Variants in CHD5 observed in about 807,000 individuals in gnomAD.
CHD5 encodes the protein ATP-dependent chromatin remodeler CHD5.
Under a neutral mutation model 230.3 loss-of-function variants are expected in CHD5, and 69 were observed. That is an observed-to-expected ratio of 0.30 (90% CI 0.25 to 0.37). The LOEUF is 0.37. CHD5 is among the 10% of genes least tolerant of loss of function. CHD5 has a pLI of 1.00. For synonymous variants in CHD5, 1,064 were observed against 1,065.9 expected, an observed-to-expected ratio of 1.00 and a Z score of 0.03; for missense variants, 1,827 against 2,622.8, an observed-to-expected ratio of 0.70 and a Z score of 6.63.
intron 6 of CHD5, among the ~76,000 whole-genome samples, chr1:6,151,666 C>G (rs936704954): frequency 3.9e-5 from 6 of 152,222 alleles, no homozygotes; most frequent in African/African-American, 1.4e-4. Context: ...AGTATGTGCT[C>G]AACAAATATC....
chr1:6,161,943 C>A (rs1002409043), intron 2 of CHD5, among the ~76,000 whole-genome samples: 2 of 152,200 alleles, frequency 1.3e-5, no homozygotes, highest in Admixed American at 6.5e-5. Context: ...TCCTACGTGG[C>A]CTGCCAGTGA....
chr1:6,115,028 G>A (rs1248010032), intron 33 of CHD5, among the ~76,000 whole-genome samples: 4 of 148,132 alleles, frequency 2.7e-5, no homozygotes, highest in Admixed American at 6.6e-5. Flanking sequence ...AAAAAAAAGG[G>A]GGGGGCAGGC....
At chr1:6,132,910 C>CTCTCTCT (rs1666680549) in intron 20 of CHD5, among the ~76,000 whole-genome samples, 1 of 151,228 alleles carries the variant, frequency 6.6e-6, no homozygotes, top group East Asian at 1.9e-4. Flanking sequence ...CTCTCTCTCT[C>CTCTCTCT]AAGAGACAGG....
At chr1:6,119,996 G>A (rs1368974459) in intron 33 of CHD5, among the ~76,000 whole-genome samples, 1 of 151,834 alleles carries the variant, frequency 6.6e-6, no homozygotes, top group African/African-American at 2.4e-5. Context: ...GAGTAGCTGG[G>A]ACTACAGGTG....
At position 6,106,773 on chromosome 1, in the gene CHD5, T is replaced by G; in HGVS notation, c.5585A>C (p.Asn1862Thr). The G allele has an allele frequency of 6.2e-7, 1 of 1,609,958 alleles. No individual in the cohort carries two copies. The highest frequency in any genetic ancestry group is 8.5e-7 in the Non-Finnish European group (1 of 1,179,190). Residue 1862 changes from asparagine to threonine, a missense_variant, in exon 39 of 42, where the codon AAC becomes ACC. Asn to Thr is a moderately conservative substitution (Grantham distance 65, BLOSUM62 0). This residue lies in a region of CHD5 where 208 missense variants were observed against 302.0 expected (regional missense o/e 0.69). Coordinates refer to ENST00000262450, the MANE Select transcript of CHD5 (RefSeq NM_015557.3). ...GTCGCTCAGCAGCTCCTCCAGCTGG[T>G]TCAGGACTGTGGTGGGAGGCGGAGG... ...PANAVLHKVL[N>T]QLEELLSDMK...
At chr1:6,150,862 G>C (rs1048152094) in intron 7 of CHD5, among the ~76,000 whole-genome samples, 170 bp downstream of exon 7, 5 of 152,120 alleles carry the variant, frequency 3.3e-5, no homozygotes, top group Admixed American at 2.0e-4. Context: ...GGAAACACAG[G>C]GGCCCCACCT....
At position 6,167,527 on chromosome 1, in the gene CHD5, C is replaced by T. The variant is rs1667273908; in HGVS notation, c.207+623G>A. On this transcript the variant is annotated intron_variant, in intron 2 of 41. Coordinates refer to ENST00000262450, the MANE Select transcript of CHD5 (RefSeq NM_015557.3). The surrounding 1 kb of genome is among the most constrained non-coding windows in gnomAD (Gnocchi z 4.5). ...CAACCAGCGATCATCCCTCCCATGC[C>T]ACCAATTTCCAGGGCTGATCATGAG... 6.6e-6 allele frequency among the ~76,000 whole-genome samples: 1 copy of T among 152,184 alleles called. No individual in the cohort carries two copies. The highest frequency in any genetic ancestry group is 1.5e-5 in the Non-Finnish European group (1 of 68,036).
chr1:6,138,557 G>T (rs955131632), intron 15 of CHD5, among the ~76,000 whole-genome samples: 2 of 152,230 alleles, frequency 1.3e-5, no homozygotes, highest in South Asian at 2.1e-4. Flanking sequence ...ACATGCCTGT[G>T]AGAGAGCAGA....
In CHD5 at chr1:6,106,437, T is replaced by C. The variant is rs1350148741; in HGVS notation, c.5815A>G (p.Ile1939Val). 4 of 1,575,410 alleles carry C rather than the reference T, an allele frequency of 2.5e-6. No homozygotes were observed. Among genetic ancestry groups the C allele is most frequent in the Non-Finnish European group, 3.4e-6 (4 of 1,161,050 alleles). ...AGGGGCATCTGGTTGTAGTTGACAATCCCTCCCGGTCCAGGGCCCCGGAAG... is the reference window on the plus strand; with the variant it reads ...AGGGGCATCTGGTTGTAGTTGACAACCCCTCCCGGTCCAGGGCCCCGGAAG... ...PNFRGPGPGG[I>V]VNYNQMPLGP... Residue 1939 changes from isoleucine (I) to valine (V), a missense_variant, in exon 40 of 42, where the codon ATT becomes GTT. This residue lies in a region of CHD5 where 208 missense variants were observed against 302.0 expected (regional missense o/e 0.69). Coordinates refer to ENST00000262450, the MANE Select transcript of CHD5 (RefSeq NM_015557.3).
At position 6,142,452 on chromosome 1, in the gene CHD5, C is replaced by T. The variant is rs753965800; in HGVS notation, c.2197G>A (p.Val733Met). The T allele has an allele frequency of 1.9e-6, 3 of 1,613,660 alleles. No homozygotes were observed. Among genetic ancestry groups the T allele is most frequent in the Non-Finnish European group, 2.5e-6 (3 of 1,179,744 alleles). Residue 733 changes from valine to methionine, a missense_variant, in exon 14 of 42, where the codon GTG becomes ATG. Val to Met is a conservative substitution (Grantham distance 21). Transcript: ENST00000262450. The surrounding 1 kb of genome is among the most constrained non-coding windows in gnomAD (Gnocchi z 5.2). ...GAGTAAAGGAACACGATGGTCTGCA[C>T]CGTCTTGCCCAGACCCATCTCATCG... is the stretch of plus-strand genomic sequence containing the variant. ...LADEMGLGKTVQTIVFLYSLY... is the reference protein window; with the variant it reads ...LADEMGLGKTMQTIVFLYSLY...
At chr1:6,153,906 G>A (rs185865322) in intron 5 of CHD5, among the ~76,000 whole-genome samples, 88 of 152,154 alleles carry the variant, frequency 5.8e-4, no homozygotes, top group African/African-American at 2.1e-3. Flanking sequence ...GCCCTGGGGA[G>A]ATCAACATCC....
At chr1:6,171,507 GC>G (rs112161942) in intron 1 of CHD5, among the ~76,000 whole-genome samples, 1 of 151,418 alleles carries the variant, frequency 6.6e-6, no homozygotes, top group African/African-American at 2.4e-5. Context: ...CTATGACACT[GC>G]CCCCCCCAAC....
chr1:6,120,618 A>G (rs1289392959), intron 33 of CHD5, among the ~76,000 whole-genome samples: 1 of 152,190 alleles, frequency 6.6e-6, no homozygotes, highest in Admixed American at 6.5e-5. Flanking sequence ...CCTGGCCAAC[A>G]TGGCAAAACC....
rs1207308851 is a variant in CHD5 at position 6,113,230 on chromosome 1, C to T, written c.4913-232G>A. On this transcript the variant is annotated intron_variant, in intron 33 of 41. Transcript: ENST00000262450. ...CTTCAGACCAGGAGTTCAAGACCAG[C>T]CTGGCAACATAGTGAAATCTCATCT... is the stretch of plus-strand genomic sequence containing the variant. The T allele has an allele frequency of 1.9e-5, 10 of 518,082 alleles. No individual in the cohort carries two copies. The East Asian group carries it at 2.8e-4, about 14-fold the overall frequency. 32.1% of individuals were successfully genotyped at this position (518,082 alleles called of 1,614,324 possible). A position where few individuals can be genotyped will look rare whatever the true frequency, so the allele number is the denominator to read the frequency against.
chr1:6,175,687 TGGATGGATGGATGGATGGATGGAC>T (rs1667415340), intron 1 of CHD5, among the ~76,000 whole-genome samples: 1 of 148,722 alleles, frequency 6.7e-6, no homozygotes, highest in Non-Finnish European at 1.5e-5. Flanking sequence ...AACAAATGGA[TGGATGGATGGATGGATGGATGGAC>T]GGACGGACGG....
chr1:6,121,021 G>A lies in CHD5; in HGVS notation c.4912+84C>T, dbSNP rs1666461479. On this transcript the variant is annotated intron_variant, in intron 33 of 41. Transcript: ENST00000262450. This position sits in a 1 kb window ranked among gnomAD's most constrained non-coding sequence, Gnocchi z 4.5. The stretch of plus-strand genomic sequence containing the variant: ...CTCTGCCAGGGAGAAATGAGCGGAA[G>A]TACAGCCACCTGCCCTTCTCTGAAC... 7.1e-7 allele frequency: 1 copy of A among 1,414,518 alleles called. No homozygotes were observed. Among genetic ancestry groups the A allele is most frequent in the Non-Finnish European group, 9.3e-7 (1 of 1,074,418 alleles). 87.6% of individuals were successfully genotyped at this position (1,414,518 alleles called of 1,614,324 possible). A position where few individuals can be genotyped will look rare whatever the true frequency, so the allele number is the denominator to read the frequency against.
chr1:6,111,193 G>A (rs1666281746), intron 36 of CHD5, among the ~76,000 whole-genome samples: 1 of 145,976 alleles, frequency 6.9e-6, no homozygotes, highest in Non-Finnish European at 1.5e-5. Context: ...TCGCACCACT[G>A]CACTTCAGCC....
chr1:6,107,646 AG>A (rs1666210321), intron 38 of CHD5, among the ~76,000 whole-genome samples: 1 of 106,366 alleles, frequency 9.4e-6, no homozygotes, highest in Admixed American at 9.8e-5. Flanking sequence ...GGAGGGATGA[AG>A]GGATGATGGA....
intron 3 of CHD5, among the ~76,000 whole-genome samples, chr1:6,156,535 CA>C (rs1225146962): frequency 0.19 from 12,151 of 63,854 alleles, 575 homozygotes; most frequent in African/African-American, 0.32. Context: ...GATTCTGTCT[CA>C]AAAAAAAAAA....
Sources: gnomAD v4.1 joint callset for allele counts (sites outside exome capture counted in the v4.1 genomes callset) on GRCh38, gnomAD v4.1.1 for gene constraint, gnomAD v4.1.1 regional missense constraint, Gnocchi (gnomAD v3.1) non-coding constraint, MANE v1.5 for transcripts, NCBI Gene and HGNC (gene_info 2026-07-23, HGNC 2026-07-21) for gene names.